CD24: variants seen among roughly 807,000 people sequenced by gnomAD.
CD24 encodes the protein CD24 molecule, also known as signal transducer CD24.
CD24 carries 2 observed loss-of-function variants against 3.6 expected under a neutral mutation model. The ratio of observed to expected loss-of-function variants is 0.56; its 90% confidence interval spans 0.23 to 1.77. The LOEUF is 1.77. Among genes scored for constraint, CD24 ranks in the 40% most tolerant of loss-of-function variants. CD24 has a pLI of 0.18. For missense variants in CD24, 62 were observed against 93.6 expected, an observed-to-expected ratio of 0.66 and a Z score of 1.39; for synonymous variants, 33 against 44.9, an observed-to-expected ratio of 0.74 and a Z score of 1.06.
chr6:106,974,064 G>A, intron 1 of CD24: 1 of 397,364 alleles, frequency 2.5e-6, no homozygotes, highest in East Asian at 3.6e-5. Flanking sequence ...AGCTTCTCCG[G>A]GATACCCAAT....
At chr6:106,975,901 G>A (rs1269221392), upstream of CD24, among the ~76,000 whole-genome samples, 3 of 152,230 alleles carry the variant, frequency 2.0e-5, no homozygotes, top group African/African-American at 7.2e-5. Context: ...TTACTTATCC[G>A]TAGTTGCCAT....
At chr6:106,973,931 A>T in intron 1 of CD24, 1 of 398,546 alleles carries the variant, frequency 2.5e-6, no homozygotes, top group Non-Finnish European at 4.4e-6. Flanking sequence ...TAACATGGGG[A>T]TCCTAAGATG....
intron 1 of CD24, chr6:106,973,995 G>A (rs1407726554): frequency 2.0e-5 from 8 of 397,938 alleles, no homozygotes; most frequent in Non-Finnish European, 3.1e-5. Flanking sequence ...TCAGGAGAGG[G>A]TCCCCGCCTC....
chr6:106,973,388 C>A, intron 1 of CD24: 1 of 348,886 alleles, frequency 2.9e-6, no homozygotes, highest in African/African-American at 2.1e-5. Flanking sequence ...TTCTCGCAGC[C>A]GCGCCCCTCC....
At chr6:106,974,861 G>A (rs1773068199), upstream of CD24, 1 of 239,794 alleles carries the variant, frequency 4.2e-6, no homozygotes. Flanking sequence ...CCCCGCTCCG[G>A]GTTCCCCAGC....
chr6:106,975,405 C>A (rs1773088473), upstream of CD24: 1 of 152,132 alleles, frequency 6.6e-6, no homozygotes, highest in Non-Finnish European at 1.5e-5. Context: ...CTAGCGCGAA[C>A]CCTTCCCGGC....
chr6:106,974,924 A>C (rs1773070868), upstream of CD24, among the ~76,000 whole-genome samples: 1 of 143,332 alleles, frequency 7.0e-6, no homozygotes, highest in South Asian at 2.4e-4. Context: ...GCGGGCCGGG[A>C]GCCCCCCGGG....
upstream of CD24, chr6:106,974,816 C>A: frequency 1.9e-6 from 1 of 531,242 alleles, no homozygotes; most frequent in Non-Finnish European, 3.0e-6. Flanking sequence ...CCCGGCTCCC[C>A]TCCGCCGCCG....
intron 1 of CD24, among the ~76,000 whole-genome samples, chr6:106,974,335 T>A (rs1773049933): frequency 6.6e-6 from 1 of 152,102 alleles, no homozygotes; most frequent in Non-Finnish European, 1.5e-5. Flanking sequence ...GGCAGGGTCC[T>A]CTCAGCCCGC....
At chr6:106,974,546 C>A in intron 1 of CD24, 32 bp downstream of exon 1, 1 of 1,350,796 alleles carries the variant, frequency 7.4e-7, no homozygotes, top group Non-Finnish European at 9.7e-7. Flanking sequence ...CCGGGAACGG[C>A]CCTCGAGCCC....
Position 106,973,715 on chromosome 6 carries a change from G to T in CD24, c.69+863C>A, listed in dbSNP as rs1173945440. ...CTAGGGTCTCCCAGGCCCAGCCCCC[G>T]GTCTCTCTCGCCGGCGCGGTGCATC... On this transcript the variant is annotated intron_variant, in intron 1 of 1. Transcript: ENST00000606017. The T allele has an allele frequency of 1.0e-5, 4 of 398,482 alleles. No individual in the cohort carries two copies. In the East Asian group the frequency reaches 1.1e-4, roughly 11 times the overall value. The allele number at this position is 398,482 out of a possible 1,614,324, so 24.7% of individuals were successfully genotyped here.
At position 106,971,417 on chromosome 6, in the gene CD24, C is replaced by T. The variant is rs1258522623; in HGVS notation, c.*244G>A. The stretch of plus-strand genomic sequence containing the variant: ...TTAACTATTTTGGATGTTGCCTCTC[C>T]TTCATCTTGTACATGAAACTCCAGC... On this transcript the variant is annotated 3_prime_UTR_variant, in exon 2 of 2. Transcript: ENST00000606017. The T allele has an allele frequency of 4.4e-5, 21 of 472,262 alleles. No individual in the cohort carries two copies. Among genetic ancestry groups the T allele is most frequent in the African/African-American group, 3.8e-4 (19 of 49,376 alleles). The allele number at this position is 472,262 out of a possible 1,614,324, so 29.3% of individuals were successfully genotyped here. A position where few individuals can be genotyped will look rare whatever the true frequency, so the allele number is the denominator to read the frequency against.
chr6:106,976,515 G>A (rs1773109960), upstream of CD24, among the ~76,000 whole-genome samples: 1 of 152,162 alleles, frequency 6.6e-6, no homozygotes, highest in Non-Finnish European at 1.5e-5. Context: ...TCGAGCACCA[G>A]TGGACTTTCC....
chr6:106,970,395 A>G lies in CD24; in HGVS notation c.*1266T>C, dbSNP rs1258731946. On this transcript the variant is annotated 3_prime_UTR_variant, in exon 2 of 2. Coordinates refer to ENST00000606017, the MANE Select transcript of CD24 (RefSeq NM_001359084.1). The stretch of plus-strand genomic sequence containing the variant: ...AGCTTCCAGTCTTCACTTCCCAAAT[A>G]CTTGATTTATAGTTTTGACTCCTTT... 2 of 152,764 alleles carry G rather than the reference A, an allele frequency of 1.3e-5. No homozygotes were observed. Among genetic ancestry groups the G allele is most frequent in the Non-Finnish European group, 2.9e-5 (2 of 68,034 alleles). The allele number at this position is 152,764 out of a possible 1,614,324, so 9.5% of individuals were successfully genotyped here. A position where few individuals can be genotyped will look rare whatever the true frequency, so the allele number is the denominator to read the frequency against.
Position 106,970,767 on chromosome 6 carries a change from G to A in CD24, c.*894C>T, listed in dbSNP as rs1772951853. 2 of 152,174 alleles carry A rather than the reference G, an allele frequency of 1.3e-5. No homozygotes were observed. Among genetic ancestry groups the A allele is most frequent in the Non-Finnish European group, 1.5e-5 (1 of 68,048 alleles). The allele number at this position is 152,174 out of a possible 1,614,324, so 9.4% of individuals were successfully genotyped here. A position where few individuals can be genotyped will look rare whatever the true frequency, so the allele number is the denominator to read the frequency against. ...GCAAATGGTACACTGATCTGAGATC[G>A]CACCACTGCACTCCGGCCTGGGCGA... On this transcript the variant is annotated 3_prime_UTR_variant, in exon 2 of 2. Coordinates refer to ENST00000606017, the MANE Select transcript of CD24 (RefSeq NM_001359084.1).
upstream of CD24, chr6:106,974,791 G>A (rs1773065786): frequency 2.6e-6 from 2 of 765,360 alleles, no homozygotes; most frequent in Non-Finnish European, 3.9e-6. Context: ...CCGTGACGTG[G>A]CGCCGCCCGC....
chr6:106,975,518 C>T (rs998862019), upstream of CD24: 1 of 152,262 alleles, frequency 6.6e-6, no homozygotes, highest in Non-Finnish European at 1.5e-5. Flanking sequence ...CTGTGAGCGC[C>T]TCGTGTCAGC....
intron 1 of CD24, chr6:106,974,115 C>A: frequency 2.5e-6 from 1 of 394,708 alleles, no homozygotes; most frequent in Non-Finnish European, 4.5e-6. Context: ...CCGCCCTCCC[C>A]GAAAGGGACC....
chr6:106,974,746 C>T, upstream of CD24: 1 of 1,267,734 alleles, frequency 7.9e-7, no homozygotes. Context: ...CGCGGCGAGC[C>T]GGCGAGACCT....
Sources: gnomAD v4.1 joint callset for allele counts (sites outside exome capture counted in the v4.1 genomes callset) on GRCh38, gnomAD v4.1.1 for gene constraint, MANE v1.5 for transcripts, NCBI Gene and HGNC (gene_info 2026-07-23, HGNC 2026-07-21) for gene names.